ELMO1: variants seen among roughly 807,000 people sequenced by gnomAD.
The protein encoded by ELMO1 is engulfment and cell motility protein 1.
A neutral mutation model predicts 98.9 loss-of-function variants in ELMO1; 26 were observed. The ratio of observed to expected loss-of-function variants is 0.26; its 90% CI spans 0.19 to 0.36. The LOEUF is 0.36. Among genes scored for constraint, ELMO1 ranks in the 10% least tolerant of loss-of-function variants. ELMO1 has a pLI of 1.00. For missense variants in ELMO1, 627 were observed against 935.2 expected, an observed-to-expected ratio of 0.67 and a Z score of 4.30; for synonymous variants, 346 against 346.0, an observed-to-expected ratio of 1.00 and a Z score of 0.00.
chr7:37,130,216 C>T (rs1211714541), intron 14 of ELMO1, among the ~76,000 whole-genome samples: 1 of 152,174 alleles, frequency 6.6e-6, no homozygotes, highest in African/African-American at 2.4e-5. Flanking sequence ...CCACCACCAC[C>T]ACCTCTACTT....
chr7:37,142,794 T>C (rs1057278580), intron 13 of ELMO1, among the ~76,000 whole-genome samples: 1 of 152,168 alleles, frequency 6.6e-6, no homozygotes, highest in Admixed American at 6.5e-5. Flanking sequence ...GTTTCAAAAA[T>C]AAATACGTAA....
intron 10 of ELMO1, among the ~76,000 whole-genome samples, chr7:37,216,908 A>G (rs1793316214): frequency 6.6e-6 from 1 of 152,230 alleles, no homozygotes; most frequent in Non-Finnish European, 1.5e-5. Context: ...CAAAGGAAAG[A>G]TATCTGGCAC....
chr7:36,886,252 C>G (rs964980524), intron 18 of ELMO1, among the ~76,000 whole-genome samples: 1 of 152,186 alleles, frequency 6.6e-6, no homozygotes, highest in Non-Finnish European at 1.5e-5. Context: ...TCCTGAGGCT[C>G]AGCTTGAAAT....
At chr7:37,220,285 G>C (rs906848148) in intron 10 of ELMO1, among the ~76,000 whole-genome samples, 1 of 152,124 alleles carries the variant, frequency 6.6e-6, no homozygotes, top group Non-Finnish European at 1.5e-5. Flanking sequence ...AGTTTATGAA[G>C]TCCACATCAC....
intron 14 of ELMO1, among the ~76,000 whole-genome samples, chr7:37,124,286 G>A (rs1042764278): frequency 2.6e-5 from 4 of 152,138 alleles, no homozygotes; most frequent in East Asian, 1.9e-4. Context: ...TCTGCCTAGC[G>A]CAATCAGGCA....
chr7:36,930,886 T>C (rs1785982374), intron 16 of ELMO1, among the ~76,000 whole-genome samples: 1 of 152,190 alleles, frequency 6.6e-6, no homozygotes, highest in South Asian at 2.1e-4. Context: ...AAAAATTCAG[T>C]GAACCTTTTC....
intron 4 of ELMO1, among the ~76,000 whole-genome samples, chr7:37,292,810 C>T (rs1797799796): frequency 9.1e-6 from 1 of 109,538 alleles, no homozygotes; most frequent in African/African-American, 3.2e-5. Context: ...GCCCCCCGCC[C>T]GGCCAGCCGC....
chr7:36,938,613 A>G (rs1786753059), intron 16 of ELMO1, among the ~76,000 whole-genome samples: 2 of 152,260 alleles, frequency 1.3e-5, no homozygotes, highest in Non-Finnish European at 2.9e-5. Context: ...AGGTATGCAT[A>G]TATCATATTA....
chr7:37,195,307 G>T (rs573714139), intron 13 of ELMO1, among the ~76,000 whole-genome samples: 1 of 152,186 alleles, frequency 6.6e-6, no homozygotes, highest in African/African-American at 2.4e-5. Context: ...AGGCCTGTCC[G>T]CACACTGCCT....
At chr7:37,353,802 GAC>G (rs2131305662) in intron 1 of ELMO1, 1 of 152,316 alleles carries the variant, frequency 6.6e-6, no homozygotes, top group South Asian at 2.1e-4. Flanking sequence ...CCTTTAGCTA[GAC>G]ACAGAGTGCT....
At chr7:37,303,342 A>T (rs560891981) in intron 4 of ELMO1, among the ~76,000 whole-genome samples, 6 of 152,304 alleles carry the variant, frequency 3.9e-5, no homozygotes, top group African/African-American at 1.4e-4. Flanking sequence ...CCAAGTAGTA[A>T]AGTCACTATT....
Position 37,053,524 on chromosome 7 carries a change from G to A in ELMO1, c.1301-40089C>T, listed in dbSNP as rs536034455. ...AAGGCTAATCATACCCCATTTCATC[G>A]ACTGTTGCTTCCAGACATCATTACC... On this transcript the variant is annotated intron_variant, in intron 15 of 21. Transcript: ENST00000310758. Among the ~76,000 whole-genome samples, 12 of 152,124 alleles carry A rather than the reference G, an allele frequency of 7.9e-5. No homozygotes were observed. The East Asian group carries it at 2.1e-3, about 27-fold the overall frequency.
intron 1 of ELMO1, among the ~76,000 whole-genome samples, chr7:37,385,858 AGAACAT>A (rs1483193399): frequency 3.3e-5 from 5 of 152,206 alleles, no homozygotes; most frequent in Non-Finnish European, 4.4e-5. Context: ...AACCACCTGG[AGAACAT>A]GGGAAACTAC....
At chr7:37,440,772 A>C (rs1181675853) in intron 1 of ELMO1, among the ~76,000 whole-genome samples, 2 of 151,628 alleles carry the variant, frequency 1.3e-5, no homozygotes, top group African/African-American at 4.8e-5. Context: ...CCATCTCAAA[A>C]AAAAAAAAAA....
intron 4 of ELMO1, among the ~76,000 whole-genome samples, chr7:37,292,647 A>G (rs1466853196): frequency 2.8e-5 from 3 of 105,368 alleles, no homozygotes; most frequent in African/African-American, 3.2e-5. Flanking sequence ...GCCCCGTCTG[A>G]GAAGTGAGGA....
Position 36,870,413 on chromosome 7 carries a change from C to T in ELMO1, c.1885G>A (p.Gly629Ser). The change falls in exon 20 of 22, where the codon GGT (glycine) becomes AGT (serine). Residue 629 changes from glycine (G) to serine (S), a missense_variant. Coordinates refer to ENST00000310758, the MANE Select transcript of ELMO1 (RefSeq NM_014800.11). This position sits in a 1 kb window ranked among gnomAD's most constrained non-coding sequence, Gnocchi z 4.4. ...CATACCTTGTTTTGTTTAAGGGCAC[C>T]TTTCTCTTTCATATGAGGGCAGTCC... ...GKDCPHMKEKGALKQNKEVLE... is the reference protein window; with the variant it reads ...GKDCPHMKEKSALKQNKEVLE... 6.2e-7 allele frequency: 1 copy of T among 1,614,046 alleles called. No individual in the cohort carries two copies. The highest frequency in any genetic ancestry group is 1.1e-5 in the South Asian group (1 of 91,068).
chr7:37,261,019 A>G (rs1795948931), intron 5 of ELMO1, among the ~76,000 whole-genome samples: 1 of 152,224 alleles, frequency 6.6e-6, no homozygotes, highest in African/African-American at 2.4e-5. Flanking sequence ...TCCAAGAAGG[A>G]TGTTTGCATT....
At chr7:37,199,548 T>TTAC (rs1792165004) in intron 13 of ELMO1, among the ~76,000 whole-genome samples, 1 of 152,174 alleles carries the variant, frequency 6.6e-6, no homozygotes, top group Non-Finnish European at 1.5e-5. Flanking sequence ...TGAAATTAGA[T>TTAC]TACTCCCAGC....
intron 5 of ELMO1, among the ~76,000 whole-genome samples, chr7:37,260,883 T>C (rs939971592): frequency 3.3e-5 from 5 of 152,184 alleles, no homozygotes; most frequent in African/African-American, 1.2e-4. Flanking sequence ...GAATTATTTA[T>C]CTCTTAAAAT....
Sources: gnomAD v4.1 joint callset for allele counts (sites outside exome capture counted in the v4.1 genomes callset) on GRCh38, gnomAD v4.1.1 for gene constraint, Gnocchi (gnomAD v3.1) non-coding constraint, MANE v1.5 for transcripts, NCBI Gene and HGNC (gene_info 2026-07-23, HGNC 2026-07-21) for gene names.